WDR11: variants seen among roughly 807,000 people sequenced by gnomAD.
WDR11 encodes WD repeat-containing protein 11.
Under a neutral mutation model 151.2 loss-of-function variants are expected in WDR11, and 83 were observed. The observed-to-expected ratio is 0.55, with a 90% CI of 0.46 to 0.66. WDR11 has a LOEUF of 0.66. WDR11 is among the 30% of genes least tolerant of loss of function. The pLI, the probability that WDR11 is intolerant of heterozygous loss-of-function variation, is 0.00. For missense variants in WDR11, 1,301 were observed against 1,480.9 expected (o/e 0.88, Z 1.99); for synonymous variants, 484 against 533.1 (o/e 0.91, Z 1.27).
At chr10:120,886,627 A>T in intron 15 of WDR11, 62 bp from the exon 16 acceptor site, 1 of 1,585,782 alleles carries the variant, frequency 6.3e-7, no homozygotes, top group Non-Finnish European at 8.6e-7. Flanking sequence ...AAGTTAATTA[A>T]TTATGAGTAT....
intron 1 of WDR11, chr10:120,851,991 G>A: frequency 4.6e-6 from 1 of 218,984 alleles, no homozygotes; most frequent in South Asian, 6.9e-5. Context: ...GAACATTCCT[G>A]CCTTCAACAG....
At chr10:120,874,073 T>G (rs1213793245) in intron 11 of WDR11, 150 bp downstream of exon 11, 1 of 637,970 alleles carries the variant, frequency 1.6e-6, no homozygotes, top group African/African-American at 1.8e-5. Context: ...ATGGCTATGT[T>G]AATCAAGGAT....
intron 22 of WDR11, among the ~76,000 whole-genome samples, chr10:120,902,709 C>T (rs1242658557): frequency 1.3e-5 from 2 of 151,872 alleles, no homozygotes; most frequent in African/African-American, 4.9e-5. Flanking sequence ...ACATTACTTT[C>T]ATACCTTATC....
chr10:120,888,217 T>C (rs1847292617), intron 16 of WDR11, among the ~76,000 whole-genome samples: 2 of 152,266 alleles, frequency 1.3e-5, no homozygotes, highest in Non-Finnish European at 2.9e-5. Flanking sequence ...ATTTACTGCA[T>C]GGCAGGCATT....
At chr10:120,869,866 T>C (rs1846469938) in intron 9 of WDR11, among the ~76,000 whole-genome samples, 3 of 152,138 alleles carry the variant, frequency 2.0e-5, no homozygotes, top group African/African-American at 7.2e-5. Flanking sequence ...CTCGGCTCAT[T>C]GCAACCTCCA....
At chr10:120,851,528 G>T (rs913727692) in intron 1 of WDR11, 22 bp downstream of exon 1, 1 of 1,605,116 alleles carries the variant, frequency 6.2e-7, no homozygotes, top group African/African-American at 1.3e-5. Flanking sequence ...GAGCTTCCAG[G>T]TCGCCAGGAT....
At chr10:120,855,498 A>G (rs184931387) in intron 2 of WDR11, among the ~76,000 whole-genome samples, 81 of 151,414 alleles carry the variant, frequency 5.3e-4, no homozygotes, top group African/African-American at 1.9e-3. Context: ...AAACTTTTTC[A>G]TTTTGATGTA....
chr10:120,861,828 T>C (rs1400582211), intron 4 of WDR11, among the ~76,000 whole-genome samples: 1 of 152,182 alleles, frequency 6.6e-6, no homozygotes, highest in Admixed American at 6.5e-5. Context: ...TAATTTGTAT[T>C]GCTAAATATG....
At chr10:120,864,983 A>C (rs994593445) in intron 5 of WDR11, 64 bp from the exon 6 acceptor site, 14 of 1,559,640 alleles carry the variant, frequency 9.0e-6, no homozygotes, top group Non-Finnish European at 1.1e-5. Flanking sequence ...GTACAAAATT[A>C]AATCTTTTAT....
chr10:120,896,913 T>C (rs544496596), intron 19 of WDR11, among the ~76,000 whole-genome samples: 19 of 152,266 alleles, frequency 1.2e-4, no homozygotes, highest in South Asian at 4.1e-4. Context: ...TGAGCGCACA[T>C]AGCACCCAGA....
At chr10:120,891,773 T>C (rs775063000) in intron 19 of WDR11, among the ~76,000 whole-genome samples, 8 of 152,238 alleles carry the variant, frequency 5.3e-5, no homozygotes, top group Non-Finnish European at 8.8e-5. Context: ...GAGTTGCTGC[T>C]AATGTTAGCA....
chr10:120,866,120 AG>A (rs1176625310), intron 7 of WDR11, among the ~76,000 whole-genome samples: 1 of 152,062 alleles, frequency 6.6e-6, no homozygotes, highest in Non-Finnish European at 1.5e-5. Flanking sequence ...GAGGTTATTA[AG>A]TCTCAGTTGT....
At chr10:120,883,994 TG>T in intron 14 of WDR11, 106 bp downstream of exon 14, 1 of 924,262 alleles carries the variant, frequency 1.1e-6, no homozygotes, top group South Asian at 1.4e-5. Context: ...GTCATTTTTT[TG>T]GTTAAAAATG....
At chr10:120,853,677 AT>A (rs1161093480) in intron 2 of WDR11, among the ~76,000 whole-genome samples, 1 of 152,194 alleles carries the variant, frequency 6.6e-6, no homozygotes, top group Admixed American at 6.5e-5. Context: ...CAGTAAGATC[AT>A]TTAGGAGATT....
Position 120,905,960 on chromosome 10 carries a change from A to G in WDR11, c.3376A>G (p.Lys1126Glu), listed in dbSNP as rs760329282. 2.5e-6 allele frequency: 4 copies of G among 1,614,092 alleles called. No individual in the cohort carries two copies. The highest frequency in any genetic ancestry group is 1.3e-5 in the African/African-American group (1 of 75,024). ...LCSPQVNQKSKALLVLLSLGC... is the reference protein window; with the variant it reads ...LCSPQVNQKSEALLVLLSLGC... ...TTCTCCACAAGTCAATCAGAAATCA[A>G]AGGCTCTCCTGGTTCTCCTCTCTCT... The change falls in exon 27 of 29, where the codon AAG becomes GAG. Residue 1126 changes from lysine (K) to glutamate (E), a missense_variant. By Grantham distance (56) the Lys-to-Glu change is moderately conservative (BLOSUM62 1). Coordinates refer to ENST00000263461, the MANE Select transcript of WDR11 (RefSeq NM_018117.12).
rs373148435 is a variant in WDR11 at position 120,865,622 on chromosome 10, A to G, written c.880-8A>G. On this transcript the variant is annotated splice_polypyrimidine_tract_variant and splice_region_variant and intron_variant, in intron 6 of 28. Coordinates refer to ENST00000263461, the MANE Select transcript of WDR11 (RefSeq NM_018117.12). Reference sequence around the variant, plus strand: ...GTTTTAAAAAATAAATATATCATCTATTTAAAGGTAATACCCTGCTTTCAG... The same window carrying G: ...GTTTTAAAAAATAAATATATCATCTGTTTAAAGGTAATACCCTGCTTTCAG... The G allele has an allele frequency of 6.0e-5, 94 of 1,563,358 alleles. No homozygotes were observed. The highest frequency in any genetic ancestry group is 8.2e-5 in the Non-Finnish European group (93 of 1,137,132).
rs1846179928 is a variant in WDR11 at position 120,862,589 on chromosome 10, A to G, written c.527-146A>G. On this transcript the variant is annotated intron_variant, in intron 4 of 28. Transcript: ENST00000263461. ...CACCTGTTTCTCTTCAACTTAGAGA[A>G]CATTCCCATTATGTTATGAATGCAT... The G allele has an allele frequency of 3.6e-6, 3 of 831,274 alleles. No individual in the cohort carries two copies. In the South Asian group the frequency reaches 4.6e-5, roughly 13 times the overall value. The allele number at this position is 831,274 out of a possible 1,614,324, so 51.5% of individuals were successfully genotyped here. A position where few individuals can be genotyped will look rare whatever the true frequency, so the allele number is the denominator to read the frequency against.
rs138817330 is a variant in WDR11 at position 120,867,015 on chromosome 10, G to A, written c.1191-51G>A. On this transcript the variant is annotated intron_variant, in intron 8 of 28. Transcript: ENST00000263461. ...ACTTAATACTTTGAATTCCTAATAC[G>A]TAATGCAGATTTTAAGTATGTAAAA... 3,674 of 1,419,892 alleles carry A rather than the reference G, an allele frequency of 2.6e-3. 73 individuals carry two copies. In the East Asian group the frequency reaches 0.039, roughly 15 times the overall value. 88.0% of individuals were successfully genotyped at this position (1,419,892 alleles called of 1,614,324 possible). A position where few individuals can be genotyped will look rare whatever the true frequency, so the allele number is the denominator to read the frequency against.
chr10:120,891,771 G>A (rs769119677), intron 19 of WDR11, among the ~76,000 whole-genome samples: 6 of 152,202 alleles, frequency 3.9e-5, no homozygotes, highest in Non-Finnish European at 7.3e-5. Context: ...CTGAGTTGCT[G>A]CTAATGTTAG....
Sources: allele counts gnomAD v4.1 joint callset (sites outside exome capture counted in the v4.1 genomes callset), GRCh38; gene constraint gnomAD v4.1.1; transcripts MANE v1.5; gene names NCBI Gene and HGNC (gene_info 2026-07-23, HGNC 2026-07-21).